Variants in EEF1AKMT1 observed in about 807,000 individuals in gnomAD.
EEF1AKMT1 encodes the protein EEF1A lysine methyltransferase 1.
In EEF1AKMT1, 18 loss-of-function variants were observed where a neutral mutation model predicts 21.0. That is an observed-to-expected ratio of 0.86 (90% CI 0.59 to 1.27). EEF1AKMT1 has a LOEUF of 1.27. Ranked by LOEUF, EEF1AKMT1 falls within the 50% of genes most tolerant of loss-of-function variation. EEF1AKMT1 has a pLI of 0.00. For synonymous variants in EEF1AKMT1, 109 were observed against 94.8 expected (o/e 1.15, Z -0.87); for missense variants, 246 against 258.6 (o/e 0.95, Z 0.33).
Position 20,729,209 on chromosome 13 carries a change from G to T in EEF1AKMT1, c.516C>A (p.Ile172=). ...RGKILLCTGA[I]MEEQAAELLG... ...GGAGTTCTGCTGCCTGTTCTTCCAT[G>T]ATGGCACCTGAAGAGAACAAAGCAA... Residue 172 remains isoleucine, a synonymous_variant, in exon 5 of 5, where the codon ATC becomes ATA. Coordinates refer to ENST00000382758, the MANE Select transcript of EEF1AKMT1 (RefSeq NM_001318939.2). 6.2e-7 allele frequency: 1 copy of T among 1,614,122 alleles called. No homozygotes were observed. Among genetic ancestry groups the T allele is most frequent in the Non-Finnish European group, 8.5e-7 (1 of 1,180,030 alleles).
Position 20,729,140 on chromosome 13 carries a change from G to C in EEF1AKMT1, c.585C>G (p.Asn195Lys). ...CATAACAGCGAAACTCATTTGCCAA[G>C]TTCCGGGTGTGTCTTGGAACAAACG... ...MCTFVPRHTR[N>K]LANEFRCYVN... The change falls in exon 5 of 5, where the codon AAC becomes AAG. Residue 195 changes from asparagine (N) to lysine (K), a missense_variant. Transcript: ENST00000382758. 1 of 1,614,204 alleles carries C rather than the reference G, an allele frequency of 6.2e-7. No individual in the cohort carries two copies. The highest frequency in any genetic ancestry group is 1.3e-5 in the African/African-American group (1 of 75,040).
At chr13:20,742,791 A>G (rs1371024341) in intron 2 of EEF1AKMT1, among the ~76,000 whole-genome samples, 2 of 152,160 alleles carry the variant, frequency 1.3e-5, no homozygotes, top group Non-Finnish European at 2.9e-5. Flanking sequence ...TTGTTGCAAC[A>G]AGTAACAGAC....
chr13:20,761,799 A>T (rs2059002633), intron 1 of EEF1AKMT1, among the ~76,000 whole-genome samples: 1 of 152,234 alleles, frequency 6.6e-6, no homozygotes, highest in Non-Finnish European at 1.5e-5. Flanking sequence ...AAACATTTGT[A>T]TTGAGATCTA....
At chr13:20,731,322 C>T (rs1422920557) in intron 4 of EEF1AKMT1, among the ~76,000 whole-genome samples, 1 of 152,154 alleles carries the variant, frequency 6.6e-6, no homozygotes. Context: ...GTATCAAACC[C>T]AGCTTGGTGG....
rs2058976543 is a variant in EEF1AKMT1, at chr13:20,757,291, G to A, written c.144+164C>T. 4.4e-6 allele frequency: 3 copies of A among 682,760 alleles called. No homozygotes were observed. In the Admixed American group the frequency reaches 8.3e-5, roughly 19 times the overall value. The allele number at this position is 682,760 out of a possible 1,614,324, so 42.3% of individuals were successfully genotyped here. On this transcript the variant is annotated intron_variant, in intron 2 of 4. Transcript: ENST00000382758. ...AAAAGCTGTTACACTGTTCTAAAAT[G>A]TTCACTGACTGCTTTCTGTCTTAGC...
chr13:20,740,184 C>G (rs1472911299), intron 2 of EEF1AKMT1, among the ~76,000 whole-genome samples: 1 of 152,246 alleles, frequency 6.6e-6, no homozygotes, highest in African/African-American at 2.4e-5. Context: ...CTAAGTCCCT[C>G]ACTGCCTGGG....
chr13:20,736,666 C>CA (rs2060709192), intron 3 of EEF1AKMT1, among the ~76,000 whole-genome samples: 1 of 148,138 alleles, frequency 6.8e-6, no homozygotes, highest in Non-Finnish European at 1.5e-5. Flanking sequence ...GATATTTAGA[C>CA]AAGAGAGTTT....
chr13:20,769,541 G>T (rs183922653), intron 1 of EEF1AKMT1, among the ~76,000 whole-genome samples: 171 of 152,242 alleles, frequency 1.1e-3, no homozygotes, highest in African/African-American at 3.8e-3. Flanking sequence ...AATTTAGAAA[G>T]CCATTACACA....
chr13:20,738,724 G>C lies in EEF1AKMT1; in HGVS notation c.145-919C>G, dbSNP rs77454810. ...ACATTACACTGAACGAAAGAAATCA[G>C]ACACCAAAGGCCACATACTGTGTAA... On this transcript the variant is annotated intron_variant, in intron 2 of 4. Coordinates refer to ENST00000382758, the MANE Select transcript of EEF1AKMT1 (RefSeq NM_001318939.2). Among the ~76,000 whole-genome samples the C allele has an allele frequency of 7.7e-4, 118 of 152,330 alleles. No homozygotes were observed. In the East Asian group the frequency reaches 0.022, roughly 29 times the overall value.
Position 20,764,880 on chromosome 13 carries a change from AACACACACAC to A in EEF1AKMT1, c.-19-7273_-19-7264del, listed in dbSNP as rs34574835. Among the ~76,000 whole-genome samples the A allele has an allele frequency of 7.4e-4, 103 of 139,898 alleles. No individual in the cohort carries two copies. The East Asian group carries it at 9.4e-3, about 13-fold the overall frequency. 91.8% of individuals were successfully genotyped at this position (139,898 alleles called of 152,430 possible). A position where few individuals can be genotyped will look rare whatever the true frequency, so the allele number is the denominator to read the frequency against. On this transcript the variant is annotated intron_variant, in intron 1 of 4. Coordinates refer to ENST00000382758, the MANE Select transcript of EEF1AKMT1 (RefSeq NM_001318939.2). ...ATATTTTCCCCTTCCTTTCACTTTC[AACACACACAC>A]ACACACACACACACACACACACACA...
rs532313467 is a variant in EEF1AKMT1 at position 20,763,801 on chromosome 13, C to T, written c.-19-6184G>A. On this transcript the variant is annotated intron_variant, in intron 1 of 4. Transcript: ENST00000382758. The stretch of plus-strand genomic sequence containing the variant: ...CTTTAACTGCAAATTCAATTTAATA[C>T]TTACACGGCTATTCACATTATCAGT... Among the ~76,000 whole-genome samples the T allele has an allele frequency of 3.3e-5, 5 of 152,256 alleles. No individual in the cohort carries two copies. In the East Asian group the frequency reaches 5.8e-4, roughly 18 times the overall value.
At position 20,731,974 on chromosome 13, in the gene EEF1AKMT1, G is replaced by A. The variant is rs34399030; in HGVS notation, c.375C>T (p.Asp125=). Residue 125 remains aspartate (D), a synonymous_variant, in exon 4 of 5, where the codon GAC becomes GAT. Transcript: ENST00000382758. The part of the protein sequence containing the change: ...FIFYDYNNPL[D]LPERIAAHSF... ...TATGTGCAGCAATTCTTTCGGGTAA[G>A]TCCAATGGATTATTGTAATCATAGA... 6.8e-3 allele frequency: 10,934 copies of A among 1,614,188 alleles called. 680 individuals are homozygous for A. The African/African-American group carries it at 0.13, about 19-fold the overall frequency.
At chr13:20,763,165 C>T (rs2141436199) in intron 1 of EEF1AKMT1, among the ~76,000 whole-genome samples, 1 of 152,272 alleles carries the variant, frequency 6.6e-6, no homozygotes, top group Non-Finnish European at 1.5e-5. Flanking sequence ...ATCAAATAAA[C>T]TAGAAATGTC....
chr13:20,730,523 G>A (rs1278859291), intron 4 of EEF1AKMT1, among the ~76,000 whole-genome samples: 6 of 151,864 alleles, frequency 4.0e-5, no homozygotes, highest in Non-Finnish European at 2.9e-5. Context: ...TTTTTTCTTT[G>A]AGACAATCTT....
chr13:20,755,124 C>T (rs2058965077), intron 2 of EEF1AKMT1, among the ~76,000 whole-genome samples: 1 of 152,006 alleles, frequency 6.6e-6, no homozygotes, highest in African/African-American at 2.4e-5. Context: ...GTAGCTTTTC[C>T]TAGGGGAACT....
At chr13:20,756,331 T>C (rs1000006396) in intron 2 of EEF1AKMT1, among the ~76,000 whole-genome samples, 3 of 152,210 alleles carry the variant, frequency 2.0e-5, no homozygotes, top group African/African-American at 7.2e-5. Context: ...CTCATTTTTT[T>C]CTAATCCCTA....
chr13:20,762,062 G>A (rs763496519), intron 1 of EEF1AKMT1, among the ~76,000 whole-genome samples: 2 of 152,034 alleles, frequency 1.3e-5, no homozygotes, highest in Non-Finnish European at 2.9e-5. Flanking sequence ...TCATACCACT[G>A]TATTTCAGCC....
At chr13:20,731,343 T>C (rs956789593) in intron 4 of EEF1AKMT1, among the ~76,000 whole-genome samples, 1 of 152,204 alleles carries the variant, frequency 6.6e-6, no homozygotes, top group African/African-American at 2.4e-5. Context: ...CACACACCTG[T>C]AAGTTCCAGC....
intron 1 of EEF1AKMT1, among the ~76,000 whole-genome samples, chr13:20,768,028 G>C (rs994802773): frequency 6.6e-6 from 1 of 152,112 alleles, no homozygotes; most frequent in Non-Finnish European, 1.5e-5. Context: ...TTTTCCTCTA[G>C]CTTTTTGAAA....
Sources: gnomAD v4.1 joint callset for allele counts (sites outside exome capture counted in the v4.1 genomes callset) on GRCh38, gnomAD v4.1.1 for gene constraint, MANE v1.5 for transcripts, NCBI Gene and HGNC (gene_info 2026-07-23, HGNC 2026-07-21) for gene names.